Variants in FAM184A observed in about 807,000 individuals in gnomAD.
FAM184A encodes family with sequence similarity 184 member A.
In FAM184A, 99 loss-of-function variants were observed where a neutral mutation model predicts 143.8. The ratio of observed to expected loss-of-function variants is 0.69; its 90% CI spans 0.58 to 0.81. FAM184A has a LOEUF of 0.81. Ranked by LOEUF, FAM184A falls within the 40% of genes least tolerant of loss-of-function variation. The pLI is 0.00. For missense variants in FAM184A, 1,217 were observed against 1,310.5 expected, an observed-to-expected ratio of 0.93 and a Z score of 1.10; for synonymous variants, 427 against 446.4, an observed-to-expected ratio of 0.96 and a Z score of 0.55.
At chr6:119,067,111 T>C (rs889640718) in intron 1 of FAM184A, among the ~76,000 whole-genome samples, 5 of 152,256 alleles carry the variant, frequency 3.3e-5, no homozygotes, top group African/African-American at 4.8e-5. Context: ...GGCAATGTGA[T>C]AGATTCAAGT....
At chr6:119,029,038 T>C (rs1010764013) in intron 1 of FAM184A, among the ~76,000 whole-genome samples, 6 of 152,290 alleles carry the variant, frequency 3.9e-5, no homozygotes, top group Non-Finnish European at 7.4e-5. Flanking sequence ...CTATCTCATA[T>C]AGGGACACTA....
chr6:119,030,366 T>C (rs1259996660), intron 1 of FAM184A, among the ~76,000 whole-genome samples: 2 of 152,064 alleles, frequency 1.3e-5, no homozygotes, highest in African/African-American at 2.4e-5. Context: ...CATTTTTCTA[T>C]GTAATTATAA....
intron 1 of FAM184A, among the ~76,000 whole-genome samples, chr6:119,139,905 T>A (rs1772160087): frequency 6.6e-6 from 1 of 152,218 alleles, no homozygotes; most frequent in Non-Finnish European, 1.5e-5. Context: ...CCCTTTCAGA[T>A]GCACAAGTGT....
intron 1 of FAM184A, among the ~76,000 whole-genome samples, chr6:119,069,795 CT>C (rs1787614922): frequency 1.3e-5 from 2 of 152,044 alleles, no homozygotes; most frequent in Non-Finnish European, 2.9e-5. Flanking sequence ...TTATTAACCC[CT>C]ATGGAAACTT....
At chr6:119,006,094 C>T (rs1237526686) in intron 7 of FAM184A, 1 of 765,004 alleles carries the variant, frequency 1.3e-6, no homozygotes, top group South Asian at 1.3e-5. Context: ...TTCCAATATG[C>T]CTGGTATCCT....
intron 5 of FAM184A, among the ~76,000 whole-genome samples, chr6:119,013,136 C>A (rs1396908244): frequency 2.6e-5 from 4 of 151,916 alleles, no homozygotes; most frequent in African/African-American, 7.3e-5. Context: ...AGAAATAATG[C>A]TGCAATAGGG....
Position 118,999,824 on chromosome 6 carries a change from G to C in FAM184A, c.2088+3075C>G, listed in dbSNP as rs566415024. Among the ~76,000 whole-genome samples the C allele has an allele frequency of 7.9e-5, 12 of 152,312 alleles. No individual in the cohort carries two copies. The East Asian group carries it at 2.3e-3, about 29-fold the overall frequency. ...GTCCCCCAATGTGGTGCTGGTAAGA[G>C]AGGTGCACAATTAGCTATGATGAGC... On this transcript the variant is annotated intron_variant, in intron 9 of 17. Transcript: ENST00000338891.
chr6:119,010,985 T>C (rs1038762976), intron 6 of FAM184A, among the ~76,000 whole-genome samples: 11 of 152,158 alleles, frequency 7.2e-5, no homozygotes, highest in Non-Finnish European at 1.5e-4. Flanking sequence ...GTTGAAATTG[T>C]AGAAAAAGAG....
chr6:118,981,422 C>A (rs1022804133), intron 9 of FAM184A, among the ~76,000 whole-genome samples: 1 of 152,076 alleles, frequency 6.6e-6, no homozygotes, highest in African/African-American at 2.4e-5. Flanking sequence ...ACTGGTAAAA[C>A]AGTTTCTGCG....
At chr6:119,076,111 G>C (rs1050035646) in intron 1 of FAM184A, among the ~76,000 whole-genome samples, 3 of 152,084 alleles carry the variant, frequency 2.0e-5, no homozygotes, top group African/African-American at 7.2e-5. Flanking sequence ...TCATGACTGG[G>C]GGTGGGGGGT....
At chr6:119,119,944 G>A (rs112974480) in intron 1 of FAM184A, among the ~76,000 whole-genome samples, 1,710 of 152,252 alleles carry the variant, frequency 0.011, 21 homozygotes, top group Middle Eastern at 0.051. Context: ...TGATTGTGCC[G>A]CTGCAGCACA....
intron 1 of FAM184A, among the ~76,000 whole-genome samples, chr6:119,040,888 G>A (rs115067554): frequency 0.013 from 1,934 of 152,258 alleles, 38 homozygotes; most frequent in African/African-American, 0.044. Context: ...GTCCTCAGGG[G>A]TTACTGATTT....
intron 13 of FAM184A, 86 bp from the exon 14 acceptor site, chr6:118,974,660 T>C (rs1783795233): frequency 8.5e-7 from 1 of 1,179,176 alleles, no homozygotes; most frequent in Non-Finnish European, 1.2e-6. Context: ...TTTGAAATGG[T>C]TTTTGGTATA....
intron 14 of FAM184A, among the ~76,000 whole-genome samples, chr6:118,969,655 T>C (rs1466552131): frequency 6.6e-6 from 1 of 152,074 alleles, no homozygotes; most frequent in Non-Finnish European, 1.5e-5. Flanking sequence ...TGATACAGTT[T>C]TGTTTTGTTT....
At position 119,025,606 on chromosome 6, in the gene FAM184A, C is replaced by T. The variant is rs116240868; in HGVS notation, c.160-793G>A. Reference sequence around the variant, plus strand: ...TCCCAACCTTAATTTCAAATGACAACAAATTCCCTGCACAGTAACACTCTC... The same window carrying T: ...TCCCAACCTTAATTTCAAATGACAATAAATTCCCTGCACAGTAACACTCTC... On this transcript the variant is annotated intron_variant, in intron 1 of 17. Coordinates refer to ENST00000338891, the MANE Select transcript of FAM184A (RefSeq NM_024581.6). 652 of 518,950 alleles carry T rather than the reference C, an allele frequency of 1.3e-3. 6 individuals are homozygous for T. Among genetic ancestry groups the T allele is most frequent in the African/African-American group, 0.012 (623 of 52,056 alleles). 32.1% of individuals were successfully genotyped at this position (518,950 alleles called of 1,614,324 possible). A position where few individuals can be genotyped will look rare whatever the true frequency, so the allele number is the denominator to read the frequency against.
Position 118,979,468 on chromosome 6 carries a change from T to C in FAM184A, c.2352A>G (p.Leu784=), listed in dbSNP as rs1189817578. 1 of 1,613,838 alleles carries C rather than the reference T, an allele frequency of 6.2e-7. No homozygotes were observed. The highest frequency in any genetic ancestry group is 2.2e-5 in the East Asian group (1 of 44,850). Residue 784 remains leucine (L), a synonymous_variant, in exon 11 of 18, where the codon CTA becomes CTG. Transcript: ENST00000338891. The part of the protein sequence containing the change: ...QQKHSAELQS[L]KDAHRESMEG... ...CCATTGACTCTCTGTGTGCATCTTT[T>C]AGTGATTGAAGCTCTGCAGAATGCT...
At chr6:119,089,990 C>T (rs922942324) in intron 1 of FAM184A, among the ~76,000 whole-genome samples, 7 of 152,168 alleles carry the variant, frequency 4.6e-5, no homozygotes, top group Non-Finnish European at 8.8e-5. Flanking sequence ...TAGTTAACTT[C>T]ATTTTCTCAA....
At chr6:119,041,601 T>C (rs1207443468) in intron 1 of FAM184A, among the ~76,000 whole-genome samples, 1 of 152,142 alleles carries the variant, frequency 6.6e-6, no homozygotes, top group Non-Finnish European at 1.5e-5. Flanking sequence ...TATTAAATCT[T>C]GCAGCTGCAC....
intron 1 of FAM184A, among the ~76,000 whole-genome samples, chr6:119,074,076 T>C (rs934865290): frequency 1.3e-5 from 2 of 152,168 alleles, no homozygotes; most frequent in Non-Finnish European, 2.9e-5. Flanking sequence ...CTAGAGCCAC[T>C]GAGGTGGGAG....
Sources: allele counts gnomAD v4.1 joint callset (sites outside exome capture counted in the v4.1 genomes callset), GRCh38; gene constraint gnomAD v4.1.1; transcripts MANE v1.5; gene names NCBI Gene and HGNC (gene_info 2026-07-23, HGNC 2026-07-21).